Variants in MAMLD1 observed in about 807,000 individuals in gnomAD.
The protein encoded by MAMLD1 is mastermind like domain containing 1, also known as mastermind-like domain-containing protein 1.
A neutral mutation model predicts 45.0 loss-of-function variants in MAMLD1; 14 were observed. That is an observed-to-expected ratio of 0.31 (90% CI 0.21 to 0.49). The LOEUF (loss-of-function observed/expected upper bound fraction) is 0.49. Ranked by LOEUF, MAMLD1 falls within the 20% of genes least tolerant of loss-of-function variation. The pLI is 0.99. For missense variants in MAMLD1, 543 were observed against 603.6 expected (o/e 0.90, Z 1.05); for synonymous variants, 254 against 247.8 (o/e 1.02, Z -0.24).
intron 1 of MAMLD1, among the ~76,000 whole-genome samples, chrX:150,370,154 A>T (rs1167169891): frequency 9.1e-6 from 1 of 109,685 alleles, no homozygotes; most frequent in Non-Finnish European, 1.9e-5. Context: ...TAAATGATGG[A>T]GGAACAGGAG....
At chrX:150,466,108 C>T (rs1415579935) in intron 3 of MAMLD1, among the ~76,000 whole-genome samples, 3 of 112,677 alleles carry the variant, frequency 2.7e-5, no homozygotes, top group Non-Finnish European at 5.6e-5. Context: ...GCCAACTTCT[C>T]GCAGTTGAGA....
chrX:150,380,562 C>T (rs782331681), intron 1 of MAMLD1, among the ~76,000 whole-genome samples: 85 of 110,947 alleles, frequency 7.7e-4, no homozygotes, highest in African/African-American at 2.7e-3. Flanking sequence ...TTATCATATC[C>T]GGATTTGAAT....
chrX:150,498,842 C>T (rs2037464943), intron 5 of MAMLD1, among the ~76,000 whole-genome samples: 1 of 112,338 alleles, frequency 8.9e-6, no homozygotes, highest in African/African-American at 3.2e-5. Flanking sequence ...ATCCCATTTG[C>T]ACTTGGCCAA....
chrX:150,445,721 C>A, intron 2 of MAMLD1, 109 bp downstream of exon 2: 1 of 569,417 alleles, frequency 1.8e-6, no homozygotes, highest in Non-Finnish European at 2.9e-6. Context: ...GGCAGGGATC[C>A]AACTCAAAAT....
chrX:150,470,825 C>T lies in MAMLD1; in HGVS notation c.1252C>T (p.Gln418Ter). 8.2e-7 allele frequency: 1 copy of T among 1,212,219 alleles called. No individual in the cohort carries two copies. The highest frequency in any genetic ancestry group is 1.1e-6 in the Non-Finnish European group (1 of 895,665). The stretch of plus-strand genomic sequence containing the variant: ...GCTCCCCAGCCCTGCTCTCACTCAA[C>T]AGCCGCAGTTCGGCCCTCAGAGCTC... ...EKLPSPALTQ[Q>*]PQFGPQSSIL... The change falls in exon 4 of 8, where the codon CAG (glutamine) becomes TAG (stop). Residue 418 changes from glutamine to a stop codon, truncating the protein, a stop_gained. Coordinates refer to ENST00000370401, the MANE Select transcript of MAMLD1 (RefSeq NM_005491.5). LOFTEE classifies it high-confidence loss of function.
chrX:150,498,965 A>T (rs1212796991), intron 5 of MAMLD1, among the ~76,000 whole-genome samples: 3 of 112,218 alleles, frequency 2.7e-5, no homozygotes, highest in African/African-American at 9.7e-5. Context: ...TCTCTTTGAT[A>T]TGGGGCAGGA....
At chrX:150,380,751 C>CT (rs1557401595) in intron 1 of MAMLD1, among the ~76,000 whole-genome samples, 1 of 110,952 alleles carries the variant, frequency 9.0e-6, no homozygotes, top group Non-Finnish European at 1.9e-5. Flanking sequence ...TTTTGTTTCT[C>CT]TTTTTTATTC....
At position 150,373,501 on chromosome X, in the gene MAMLD1, C is replaced by T. The variant is rs180769208; in HGVS notation, c.-64+9971C>T. ...ACACACACACACACAGGTACACACA[C>T]ACAGACACACTCACACACTCACCCT... On this transcript the variant is annotated intron_variant, in intron 1 of 7. Coordinates refer to ENST00000370401, the MANE Select transcript of MAMLD1 (RefSeq NM_005491.5). Among the ~76,000 whole-genome samples, 346 of 111,638 alleles carry T rather than the reference C, an allele frequency of 3.1e-3. 13 individuals are homozygous for T. The East Asian group carries it at 0.091, about 29-fold the overall frequency.
intron 2 of MAMLD1, among the ~76,000 whole-genome samples, chrX:150,455,446 T>C (rs1361075722): frequency 2.7e-5 from 3 of 112,093 alleles, no homozygotes; most frequent in Non-Finnish European, 5.6e-5. Flanking sequence ...CAGGCTATTT[T>C]AGGACCACCA....
intron 1 of MAMLD1, among the ~76,000 whole-genome samples, chrX:150,401,085 T>A (rs1191627333): frequency 9.0e-6 from 1 of 111,188 alleles, no homozygotes; most frequent in African/African-American, 3.3e-5. Context: ...ATCCATCTGG[T>A]CCTGGACTCT....
chrX:150,460,963 G>C (rs782560124), intron 2 of MAMLD1, among the ~76,000 whole-genome samples: 12 of 112,488 alleles, frequency 1.1e-4, no homozygotes, highest in Non-Finnish European at 2.3e-4. Flanking sequence ...CAGGGACCTC[G>C]CATCTGGAGA....
intron 1 of MAMLD1, among the ~76,000 whole-genome samples, chrX:150,398,324 AAGAAGAAGAAGAAGAAGAGGAAG>A: frequency 2.2e-5 from 2 of 91,232 alleles, no homozygotes; most frequent in Non-Finnish European, 4.6e-5. Context: ...GAAGAAGAAG[AAGAAGAAGAAGAAGAAGAGGAAG>A]AGGAAGAGGA....
intron 1 of MAMLD1, among the ~76,000 whole-genome samples, chrX:150,372,876 G>A (rs1230469122): frequency 5.4e-5 from 6 of 111,806 alleles, no homozygotes; most frequent in African/African-American, 2.0e-4. Flanking sequence ...TCCCACCAGG[G>A]GAGCACCAGA....
chrX:150,470,401 T>C lies in MAMLD1; in HGVS notation c.828T>C (p.Ser276=). ...GTAAGCAGATAGTGTCACCGAGTTC[T>C]TCAATGGCACAGTCCAAGAGCCAGG... The part of the protein sequence containing the change: ...STSKQIVSPS[S]SMAQSKSQVQ... Residue 276 remains serine (S), a synonymous_variant, in exon 4 of 8, where the codon TCT becomes TCC. Transcript: ENST00000370401. 1 of 1,211,889 alleles carries C rather than the reference T, an allele frequency of 8.3e-7. No homozygotes were observed. The highest frequency in any genetic ancestry group is 1.1e-6 in the Non-Finnish European group (1 of 895,439).
chrX:150,488,696 A>G (rs1385438066), intron 5 of MAMLD1, among the ~76,000 whole-genome samples: 2 of 113,251 alleles, frequency 1.8e-5, no homozygotes, highest in East Asian at 5.5e-4. Context: ...CTCATTAGAT[A>G]TTCACACATC....
intron 1 of MAMLD1, among the ~76,000 whole-genome samples, chrX:150,431,332 A>C (rs2034935949): frequency 9.0e-6 from 1 of 110,513 alleles, no homozygotes; most frequent in Non-Finnish European, 1.9e-5. Flanking sequence ...TTCTCTGTAG[A>C]TACTTTGAGA....
At chrX:150,388,486 G>A (rs2033031232) in intron 1 of MAMLD1, among the ~76,000 whole-genome samples, 1 of 111,972 alleles carries the variant, frequency 8.9e-6, no homozygotes, top group African/African-American at 3.2e-5. Context: ...TAGGTCTGGA[G>A]ATTTTTGGAG....
intron 1 of MAMLD1, among the ~76,000 whole-genome samples, chrX:150,377,485 T>C (rs782329702): frequency 8.9e-6 from 1 of 111,910 alleles, no homozygotes; most frequent in Non-Finnish European, 1.9e-5. Flanking sequence ...GATGAACTAG[T>C]ACTTTCTGAA....
intron 1 of MAMLD1, among the ~76,000 whole-genome samples, chrX:150,385,170 C>T (rs2032863740): frequency 9.0e-6 from 1 of 110,848 alleles, no homozygotes; most frequent in Non-Finnish European, 1.9e-5. Context: ...ATAAGTGAGA[C>T]CATATATTAT....
Sources: allele counts gnomAD v4.1 joint callset (sites outside exome capture counted in the v4.1 genomes callset), GRCh38; gene constraint gnomAD v4.1.1; transcripts MANE v1.5; gene names NCBI Gene and HGNC (gene_info 2026-07-23, HGNC 2026-07-21).